The following TRIM9 variants were observed in gnomAD, a reference collection of about 807,000 sequenced individuals.
TRIM9 encodes E3 ubiquitin-protein ligase TRIM9.
TRIM9 carries 26 observed loss-of-function variants against 78.3 expected under a neutral mutation model. That is an observed-to-expected ratio of 0.33 (90% confidence interval 0.24 to 0.46). The LOEUF (loss-of-function observed/expected upper bound fraction) is 0.46, where lower values mean the gene tolerates loss of function less well. TRIM9 is among the 20% of genes least tolerant of loss of function. The pLI, the probability that TRIM9 is intolerant of heterozygous loss-of-function variation, is 1.00. For synonymous variants in TRIM9, 398 were observed against 416.5 expected (o/e 0.96, Z 0.54); for missense variants, 787 against 1,036.4 (o/e 0.76, Z 3.30).
chr14:51,010,596 ATTCT>A, intron 3 of TRIM9, 102 bp from the exon 4 acceptor site: 1 of 819,544 alleles, frequency 1.2e-6, no homozygotes. Flanking sequence ...AATCCATTCC[ATTCT>A]GGAATGGAAC....
chr14:51,002,204 C>T (rs2055153737), intron 5 of TRIM9, among the ~76,000 whole-genome samples: 2 of 152,144 alleles, frequency 1.3e-5, no homozygotes, highest in South Asian at 4.1e-4. Context: ...TCACTGCAAG[C>T]TCCGCCTCCC....
At chr14:51,023,103 T>C (rs1369821560) in intron 2 of TRIM9, 146 bp from the exon 3 acceptor site, 2 of 1,074,734 alleles carry the variant, frequency 1.9e-6, no homozygotes, top group African/African-American at 3.2e-5. Context: ...AATAACTGGA[T>C]AAACTTTATT....
In TRIM9 at chr14:50,999,318, G is replaced by T. The variant is rs187024137; in HGVS notation, c.1465-1130C>A. On this transcript the variant is annotated intron_variant, in intron 6 of 12. Transcript: ENST00000684578. ...TGAAAATGACACAGGCACTGAAAAG[G>T]CAAAGTCAGGAATGAGAAACTGACA... 8.1e-3 allele frequency among the ~76,000 whole-genome samples: 1,233 copies of T among 151,982 alleles called. 7 individuals are homozygous for T. The highest frequency in any genetic ancestry group is 0.013 in the Non-Finnish European group (878 of 67,978).
rs566238739 is a variant in TRIM9 at position 50,979,647 on chromosome 14, T to C, written c.2163-98A>G. ...AAACCAGTGTCTTGCAACCTGTTTA[T>C]AATCATCACTACCCCAAAACCGTTT... On this transcript the variant is annotated intron_variant, in intron 11 of 12. Coordinates refer to ENST00000684578, the MANE Select transcript of TRIM9 (RefSeq NM_001387360.1). 14 of 972,520 alleles carry C rather than the reference T, an allele frequency of 1.4e-5. No homozygotes were observed. The African/African-American group carries it at 2.3e-4, about 16-fold the overall frequency. The allele number at this position is 972,520 out of a possible 1,614,324, so 60.2% of individuals were successfully genotyped here.
In TRIM9 at chr14:51,095,091, A is replaced by T; in HGVS notation, c.-152T>A. 1 of 517,732 alleles carries T rather than the reference A, an allele frequency of 1.9e-6. No individual in the cohort carries two copies. 32.1% of individuals were successfully genotyped at this position (517,732 alleles called of 1,614,324 possible). On this transcript the variant is annotated 5_prime_UTR_variant, in exon 1 of 13. Coordinates refer to ENST00000684578, the MANE Select transcript of TRIM9 (RefSeq NM_001387360.1). Reference sequence around the variant, plus strand: ...GCAGCACTGGCACGGACACCCAGAGAGGCGCTAGCTCTGTGAGCCGCAGCC... The same window carrying T: ...GCAGCACTGGCACGGACACCCAGAGTGGCGCTAGCTCTGTGAGCCGCAGCC...
intron 3 of TRIM9, among the ~76,000 whole-genome samples, chr14:51,015,860 A>T (rs2057135441): frequency 6.6e-6 from 1 of 152,170 alleles, no homozygotes; most frequent in African/African-American, 2.4e-5. Flanking sequence ...GGATATCACT[A>T]ATGAACTGCA....
chr14:51,020,708 T>G (rs2057676462), intron 3 of TRIM9, among the ~76,000 whole-genome samples: 1 of 152,220 alleles, frequency 6.6e-6, no homozygotes, highest in African/African-American at 2.4e-5. Context: ...TTTCACACAG[T>G]CCTGTTCTGC....
intron 6 of TRIM9, among the ~76,000 whole-genome samples, chr14:50,998,816 T>G (rs2054568846): frequency 6.6e-6 from 1 of 152,248 alleles, no homozygotes; most frequent in Non-Finnish European, 1.5e-5. Flanking sequence ...ATAATGCGTC[T>G]TTAGCATAGG....
intron 1 of TRIM9, among the ~76,000 whole-genome samples, chr14:51,083,089 A>G (rs1460187646): frequency 6.6e-6 from 1 of 152,146 alleles, no homozygotes; most frequent in African/African-American, 2.4e-5. Context: ...CAGTGCCTAG[A>G]CCACTATGTA....
intron 1 of TRIM9, among the ~76,000 whole-genome samples, chr14:51,085,486 C>T (rs1345459936): frequency 6.6e-6 from 1 of 152,212 alleles, no homozygotes; most frequent in East Asian, 1.9e-4. Context: ...CGATATCCTC[C>T]TCGGTTCACA....
intron 5 of TRIM9, among the ~76,000 whole-genome samples, chr14:51,001,112 C>T (rs2054933525): frequency 6.6e-6 from 1 of 152,122 alleles, no homozygotes; most frequent in Non-Finnish European, 1.5e-5. Context: ...GTGTTCTCAT[C>T]CCCTTGAACA....
chr14:51,031,329 C>T (rs572065098), intron 1 of TRIM9, among the ~76,000 whole-genome samples: 3 of 152,208 alleles, frequency 2.0e-5, no homozygotes, highest in African/African-American at 4.8e-5. Context: ...AAGATGACCC[C>T]AGCCTCCCTT....
intron 1 of TRIM9, among the ~76,000 whole-genome samples, chr14:51,049,840 A>G (rs934763738): frequency 5.3e-5 from 8 of 151,764 alleles, no homozygotes; most frequent in African/African-American, 1.9e-4. Context: ...AAAAAATAAA[A>G]TAAAATAAAA....
chr14:51,017,198 C>T (rs1269296902), intron 3 of TRIM9, among the ~76,000 whole-genome samples: 1 of 152,204 alleles, frequency 6.6e-6, no homozygotes, highest in African/African-American at 2.4e-5. Flanking sequence ...CATGCCACCA[C>T]TCTCCCTCAT....
At chr14:51,032,881 T>G (rs1211792472) in intron 1 of TRIM9, among the ~76,000 whole-genome samples, 1 of 152,200 alleles carries the variant, frequency 6.6e-6, no homozygotes, top group East Asian at 1.9e-4. Context: ...ATCTGAAACA[T>G]TTCAATGAAC....
intron 12 of TRIM9, 77 bp downstream of exon 12, chr14:50,979,310 T>G (rs1199807216): frequency 6.2e-7 from 1 of 1,611,266 alleles, no homozygotes; most frequent in Admixed American, 1.7e-5. Context: ...CTCTCTTCGG[T>G]TGGATTGAAC....
At chr14:51,074,227 T>C (rs1392743678) in intron 1 of TRIM9, among the ~76,000 whole-genome samples, 2 of 151,982 alleles carry the variant, frequency 1.3e-5, no homozygotes, top group Admixed American at 6.6e-5. Flanking sequence ...AAGACCAGCC[T>C]GGGCAACATA....
chr14:51,030,242 T>C (rs564241164), intron 1 of TRIM9, among the ~76,000 whole-genome samples: 1 of 152,348 alleles, frequency 6.6e-6, no homozygotes, highest in East Asian at 1.9e-4. Context: ...GAGTGACTGG[T>C]ACTTGGGGAA....
At chr14:51,021,112 A>G (rs1046551141) in intron 3 of TRIM9, among the ~76,000 whole-genome samples, 5 of 152,206 alleles carry the variant, frequency 3.3e-5, no homozygotes, top group African/African-American at 7.2e-5. Context: ...GAGGACTGCT[A>G]TAACAATAAA....
Sources: gnomAD v4.1 joint callset for allele counts (sites outside exome capture counted in the v4.1 genomes callset) on GRCh38, gnomAD v4.1.1 for gene constraint, MANE v1.5 for transcripts, NCBI Gene and HGNC (gene_info 2026-07-23, HGNC 2026-07-21) for gene names.